MACROD2: variants seen among roughly 807,000 people sequenced by gnomAD.
MACROD2 encodes mono-ADP ribosylhydrolase 2, also known as ADP-ribose glycohydrolase MACROD2.
MACROD2 carries 36 observed loss-of-function variants against 70.4 expected under a neutral mutation model. The observed-to-expected ratio is 0.51, with a 90% CI of 0.39 to 0.68. MACROD2 has a LOEUF of 0.68. Among genes scored for constraint, MACROD2 ranks in the 30% least tolerant of loss-of-function variants. The pLI, the probability that MACROD2 is intolerant of heterozygous loss-of-function variation, is 0.00. For missense variants in MACROD2, 496 were observed against 538.4 expected (o/e 0.92, Z 0.78); for synonymous variants, 172 against 178.8 (o/e 0.96, Z 0.30).
chr20:14,599,854 G>A (rs1005337373), intron 4 of MACROD2, among the ~76,000 whole-genome samples: 13 of 152,264 alleles, frequency 8.5e-5, no homozygotes, highest in African/African-American at 3.1e-4. Flanking sequence ...GACAGGGGAG[G>A]ATTTCAGGAT....
intron 7 of MACROD2, among the ~76,000 whole-genome samples, chr20:15,461,006 A>ATATATATATATTTTTTTTTTTTT: frequency 3.0e-5 from 2 of 66,992 alleles, no homozygotes; most frequent in African/African-American, 8.4e-5. Context: ...ATATATATAT[A>ATATATATATATTTTTTTTTTTTT]TTTTTTTTTA....
chr20:14,611,990 A>G (rs73899215), intron 4 of MACROD2, among the ~76,000 whole-genome samples: 5,277 of 152,180 alleles, frequency 0.035, 300 homozygotes, highest in African/African-American at 0.12. Flanking sequence ...GGGGATTATC[A>G]TATGTGAAAG....
intron 5 of MACROD2, among the ~76,000 whole-genome samples, chr20:15,159,822 G>A (rs945174180): frequency 3.3e-5 from 5 of 151,926 alleles, no homozygotes; most frequent in Non-Finnish European, 5.9e-5. Context: ...TAAAGTACAA[G>A]CAAGGCACTG....
intron 4 of MACROD2, among the ~76,000 whole-genome samples, chr20:14,644,692 G>T (rs1985286945): frequency 6.6e-6 from 1 of 152,260 alleles, no homozygotes; most frequent in South Asian, 2.1e-4. Context: ...CAGAAAATTG[G>T]TGCTGATCGT....
At chr20:15,815,495 T>C (rs2063864173) in intron 8 of MACROD2, among the ~76,000 whole-genome samples, 1 of 152,120 alleles carries the variant, frequency 6.6e-6, no homozygotes, top group Admixed American at 6.5e-5. Flanking sequence ...CACTGTTAGA[T>C]GCCTCCTTTT....
At chr20:14,967,411 G>A (rs978782101) in intron 5 of MACROD2, among the ~76,000 whole-genome samples, 6 of 152,052 alleles carry the variant, frequency 3.9e-5, no homozygotes, top group Non-Finnish European at 5.9e-5. Flanking sequence ...CAATCCGCCC[G>A]CCTCGGCCTC....
chr20:14,326,223 T>C lies in MACROD2; in HGVS notation c.272-167256T>C, dbSNP rs2082732086. Reference sequence around the variant, plus strand: ...TCAAAGCAGTCATAGGTAGAGCAAGTTTCCAAGAGATATGAATGGTATCAG... The same window carrying C: ...TCAAAGCAGTCATAGGTAGAGCAAGCTTCCAAGAGATATGAATGGTATCAG... On this transcript the variant is annotated intron_variant, in intron 3 of 17. Transcript: ENST00000684519. This position sits in a 1 kb window ranked among gnomAD's most constrained non-coding sequence, Gnocchi z 5.5. 6.2e-7 allele frequency: 1 copy of C among 1,613,758 alleles called. No homozygotes were observed. The highest frequency in any genetic ancestry group is 8.5e-7 in the Non-Finnish European group (1 of 1,179,860).
intron 5 of MACROD2, among the ~76,000 whole-genome samples, chr20:14,800,666 G>A (rs1364665669): frequency 6.6e-6 from 1 of 152,058 alleles, no homozygotes; most frequent in Non-Finnish European, 1.5e-5. Context: ...AGTCCTTTCA[G>A]GTTATAATAA....
intron 10 of MACROD2, among the ~76,000 whole-genome samples, chr20:15,893,370 A>G (rs1042772632): frequency 1.9e-4 from 29 of 152,246 alleles, no homozygotes; most frequent in African/African-American, 6.5e-4. Context: ...TACTGGGGAA[A>G]TTGTTTTTCT....
intron 8 of MACROD2, among the ~76,000 whole-genome samples, chr20:15,529,287 CA>C (rs1248901850): frequency 6.7e-6 from 1 of 149,150 alleles, no homozygotes; most frequent in Non-Finnish European, 1.5e-5. Context: ...TGTGTGTGTG[CA>C]TGCCTGTGTG....
chr20:14,865,289 T>C (rs1239860158), intron 5 of MACROD2, among the ~76,000 whole-genome samples: 1 of 152,152 alleles, frequency 6.6e-6, no homozygotes, highest in Non-Finnish European at 1.5e-5. Context: ...GCTTACTCCA[T>C]GTAACCCTGG....
At chr20:14,919,744 A>T (rs1436904224) in intron 5 of MACROD2, among the ~76,000 whole-genome samples, 4 of 152,212 alleles carry the variant, frequency 2.6e-5, no homozygotes, top group Non-Finnish European at 4.4e-5. Context: ...AACAACAAAA[A>T]CAAACAAACA....
intron 10 of MACROD2, among the ~76,000 whole-genome samples, chr20:15,887,781 A>G (rs1049515648): frequency 1.3e-5 from 2 of 152,194 alleles, no homozygotes; most frequent in African/African-American, 4.8e-5. Context: ...AATATTTTGT[A>G]TAACACAATA....
chr20:15,793,126 T>A (rs924134066), intron 8 of MACROD2, among the ~76,000 whole-genome samples: 1 of 152,260 alleles, frequency 6.6e-6, no homozygotes, highest in Admixed American at 6.5e-5. Context: ...AAAGACTGTG[T>A]GTGTGTGTGC....
chr20:15,693,163 G>T (rs1175643701), intron 8 of MACROD2, among the ~76,000 whole-genome samples: 1 of 152,116 alleles, frequency 6.6e-6, no homozygotes, highest in Non-Finnish European at 1.5e-5. Flanking sequence ...GTTCTTTATA[G>T]CAGTGTGAAA....
intron 4 of MACROD2, among the ~76,000 whole-genome samples, chr20:14,504,344 G>A (rs780755867): frequency 6.6e-6 from 1 of 152,130 alleles, no homozygotes; most frequent in Non-Finnish European, 1.5e-5. Flanking sequence ...TCATTTTACA[G>A]ATGGAAGATC....
chr20:15,240,598 A>G (rs2077052521), intron 6 of MACROD2, among the ~76,000 whole-genome samples: 1 of 152,216 alleles, frequency 6.6e-6, no homozygotes, highest in Non-Finnish European at 1.5e-5. Flanking sequence ...GGAAAATGGG[A>G]TAACATATAT....
At chr20:14,453,361 C>G (rs2084265435) in intron 3 of MACROD2, among the ~76,000 whole-genome samples, 1 of 152,112 alleles carries the variant, frequency 6.6e-6, no homozygotes, top group South Asian at 2.1e-4. Flanking sequence ...TTCCTAATAA[C>G]CCACAGCTTC....
intron 8 of MACROD2, among the ~76,000 whole-genome samples, chr20:15,623,393 CTG>C (rs1454614338): frequency 3.9e-5 from 6 of 152,280 alleles, no homozygotes; most frequent in African/African-American, 1.4e-4. Context: ...ATGTTAATGA[CTG>C]TAATGTCTTT....
Sources: gnomAD v4.1 joint callset for allele counts (sites outside exome capture counted in the v4.1 genomes callset) on GRCh38, gnomAD v4.1.1 for gene constraint, Gnocchi (gnomAD v3.1) non-coding constraint, MANE v1.5 for transcripts, NCBI Gene and HGNC (gene_info 2026-07-23, HGNC 2026-07-21) for gene names.